Variants in TSPAN31 observed in about 807,000 individuals in gnomAD.
TSPAN31 encodes the protein tetraspanin-31.
TSPAN31 carries 16 observed loss-of-function variants against 24.8 expected under a neutral mutation model. The observed-to-expected ratio is 0.64, with a 90% CI of 0.44 to 0.98. The LOEUF (loss-of-function observed/expected upper bound fraction) is 0.98, where lower values mean the gene tolerates loss of function less well. TSPAN31 is among the 50% of genes least tolerant of loss of function. TSPAN31 has a pLI of 0.00. For synonymous variants in TSPAN31, 87 were observed against 91.4 expected, an observed-to-expected ratio of 0.95 and a Z score of 0.27; for missense variants, 209 against 251.6, an observed-to-expected ratio of 0.83 and a Z score of 1.15.
In TSPAN31 at chr12:57,745,043, G is replaced by C. The variant is rs940177012; in HGVS notation, c.-112G>C. 4 of 1,014,004 alleles carry C rather than the reference G, an allele frequency of 3.9e-6. No individual in the cohort carries two copies. The African/African-American group carries it at 6.4e-5, about 16-fold the overall frequency. The allele number at this position is 1,014,004 out of a possible 1,614,324, so 62.8% of individuals were successfully genotyped here. A position where few individuals can be genotyped will look rare whatever the true frequency, so the allele number is the denominator to read the frequency against. ...GGGACGGTGCAGGCGCAGAGTATTG[G>C]GTTTGGCTGGCCTCGATTTAAAGAG... On this transcript the variant is annotated 5_prime_UTR_variant, in exon 1 of 6. Coordinates refer to ENST00000257910, the MANE Select transcript of TSPAN31 (RefSeq NM_005981.5).
Position 57,749,584 on chromosome 12 carries a change from T to C in TSPAN31, c.*2294T>C. On this transcript the variant is annotated 3_prime_UTR_variant, in exon 6 of 6. Coordinates refer to ENST00000257910, the MANE Select transcript of TSPAN31 (RefSeq NM_005981.5). ...ATGGTTACTGCTTAGTGGCTCAAAA[T>C]AGGAAGTATAGGGAATAAAGGCCAA... is the stretch of plus-strand genomic sequence containing the variant. 7.4e-7 allele frequency: 1 copy of C among 1,347,870 alleles called. No homozygotes were observed. Among genetic ancestry groups the C allele is most frequent in the African/African-American group, 1.4e-5 (1 of 69,062 alleles). The allele number at this position is 1,347,870 out of a possible 1,614,324, so 83.5% of individuals were successfully genotyped here. A position where few individuals can be genotyped will look rare whatever the true frequency, so the allele number is the denominator to read the frequency against.
rs1955148069 is a variant in TSPAN31 at position 57,746,217 on chromosome 12, A to G, written c.273A>G (p.Val91=). ...ILGLVFIFQF[V]ISCSCLAINR... is the part of the protein sequence containing the mutation. ...GTTTGGTCTTCATCTTCCAATTTGTAATCTCTTGCTCATGTCTGGCTATTA... is the reference window on the plus strand; with the variant it reads ...GTTTGGTCTTCATCTTCCAATTTGTGATCTCTTGCTCATGTCTGGCTATTA... Residue 91 remains valine, a synonymous_variant, in exon 3 of 6, where the codon GTA becomes GTG. Coordinates refer to ENST00000257910, the MANE Select transcript of TSPAN31 (RefSeq NM_005981.5). 2 of 1,614,124 alleles carry G rather than the reference A, an allele frequency of 1.2e-6. No individual in the cohort carries two copies. Among genetic ancestry groups the G allele is most frequent in the East Asian group, 4.5e-5 (2 of 44,888 alleles).
At position 57,748,706 on chromosome 12, in the gene TSPAN31, T is replaced by TTA; in HGVS notation, c.*1417_*1418insAT. ...TACCTGGGATGAGCTTTCTTCTTTT[T>TTA]TCTTTTTTTTTTTTTTTGAGACGGA... On this transcript the variant is annotated 3_prime_UTR_variant, in exon 6 of 6. Coordinates refer to ENST00000257910, the MANE Select transcript of TSPAN31 (RefSeq NM_005981.5). 2.2e-6 allele frequency: 2 copies of TTA among 899,558 alleles called. No homozygotes were observed. The highest frequency in any genetic ancestry group is 3.6e-6 in the Non-Finnish European group (2 of 560,810). The allele number at this position is 899,558 out of a possible 1,614,324, so 55.7% of individuals were successfully genotyped here. A position where few individuals can be genotyped will look rare whatever the true frequency, so the allele number is the denominator to read the frequency against.
At position 57,747,382 on chromosome 12, in the gene TSPAN31, G is replaced by T; in HGVS notation, c.*92G>T. 1 of 1,201,716 alleles carries T rather than the reference G, an allele frequency of 8.3e-7. No individual in the cohort carries two copies. Among genetic ancestry groups the T allele is most frequent in the South Asian group, 1.4e-5 (1 of 72,116 alleles). 74.4% of individuals were successfully genotyped at this position (1,201,716 alleles called of 1,614,324 possible). On this transcript the variant is annotated 3_prime_UTR_variant, in exon 6 of 6. Coordinates refer to ENST00000257910, the MANE Select transcript of TSPAN31 (RefSeq NM_005981.5). ...CTAGGGTCTGTAACCGTTTTGGTTT[G>T]AGAAAAAGGAAAGGCCCCTTGTCAC...
intron 2 of TSPAN31, 44 bp downstream of exon 2, chr12:57,745,956 G>A (rs1260647373): frequency 6.4e-7 from 1 of 1,557,786 alleles, no homozygotes; most frequent in South Asian, 1.2e-5. Context: ...GGCTTGGGAG[G>A]GCTGTCATCT....
rs563033937 is a variant in TSPAN31, at chr12:57,749,108, A to G, written c.*1818A>G. ...CCAAGTTTCATTAACCACAGTGGCC[A>G]GGGCCCTGCATACTGCTCTATTTCT... On this transcript the variant is annotated 3_prime_UTR_variant, in exon 6 of 6. Coordinates refer to ENST00000257910, the MANE Select transcript of TSPAN31 (RefSeq NM_005981.5). 4.2e-5 allele frequency: 63 copies of G among 1,485,852 alleles called. No homozygotes were observed. The South Asian group carries it at 6.7e-4, about 16-fold the overall frequency. 92.0% of individuals were successfully genotyped at this position (1,485,852 alleles called of 1,614,324 possible).
In TSPAN31 at chr12:57,746,494, T is replaced by C. The variant is rs1955153400; in HGVS notation, c.313-95T>C. On this transcript the variant is annotated intron_variant, in intron 3 of 5. Coordinates refer to ENST00000257910, the MANE Select transcript of TSPAN31 (RefSeq NM_005981.5). The stretch of plus-strand genomic sequence containing the variant: ...TAATTGTTGCACACCGTTATGCTTC[T>C]GTTTGACTTCCTTTGCTGGGCTAGG... 4.1e-6 allele frequency: 6 copies of C among 1,476,484 alleles called. No homozygotes were observed. In the Admixed American group the frequency reaches 1.0e-4, roughly 25 times the overall value. The allele number at this position is 1,476,484 out of a possible 1,614,324, so 91.5% of individuals were successfully genotyped here. A position where few individuals can be genotyped will look rare whatever the true frequency, so the allele number is the denominator to read the frequency against.
rs146863045 is a variant in TSPAN31 at position 57,747,747 on chromosome 12, C to CTT, written c.*469_*470dup. 13 of 151,408 alleles carry CTT rather than the reference C, an allele frequency of 8.6e-5. 1 individual carries two copies. Among genetic ancestry groups the CTT allele is most frequent in the South Asian group, 2.1e-4 (1 of 4,846 alleles). 9.4% of individuals were successfully genotyped at this position (151,408 alleles called of 1,614,324 possible). On this transcript the variant is annotated 3_prime_UTR_variant, in exon 6 of 6. Transcript: ENST00000257910. ...TAAAAGCCATTTAAAAATCTATATT[C>CTT]TTTTTTTTTTTTTGACACAGAGTCT...
Position 57,747,309 on chromosome 12 carries a change from C to A in TSPAN31, c.*19C>A. The stretch of plus-strand genomic sequence containing the variant: ...TCTATGAGACTTTGGATCCTTCTGA[C>A]TTTTCTTCTGCTCTCTCTAAGCTTT... On this transcript the variant is annotated 3_prime_UTR_variant, in exon 6 of 6. Transcript: ENST00000257910. 6.2e-7 allele frequency: 1 copy of A among 1,610,032 alleles called. No individual in the cohort carries two copies.
In TSPAN31 at chr12:57,748,429, C is replaced by A. The variant is rs951446771; in HGVS notation, c.*1139C>A. ...TCTCTGTAGAAAGATGGAGGAGGAC[C>A]CTCCATAGCCTCAGAGATAAAGGCA... On this transcript the variant is annotated 3_prime_UTR_variant, in exon 6 of 6. Transcript: ENST00000257910. 2.0e-5 allele frequency: 18 copies of A among 883,660 alleles called. No individual in the cohort carries two copies. The Admixed American group carries it at 2.2e-4, about 11-fold the overall frequency. 54.7% of individuals were successfully genotyped at this position (883,660 alleles called of 1,614,324 possible). A position where few individuals can be genotyped will look rare whatever the true frequency, so the allele number is the denominator to read the frequency against.
chr12:57,745,079 T>C lies in TSPAN31; in HGVS notation c.-76T>C. Reference sequence around the variant, plus strand: ...CCTCGATTTAAAGAGACAGAAGCTGTCGGGGTCCTGGAAGACGGTCCCCAA... The same window carrying C: ...CCTCGATTTAAAGAGACAGAAGCTGCCGGGGTCCTGGAAGACGGTCCCCAA... On this transcript the variant is annotated 5_prime_UTR_variant, in exon 1 of 6. Transcript: ENST00000257910. 4 of 1,383,778 alleles carry C rather than the reference T, an allele frequency of 2.9e-6. No homozygotes were observed. Among genetic ancestry groups the C allele is most frequent in the Non-Finnish European group, 4.0e-6 (4 of 994,330 alleles). The allele number at this position is 1,383,778 out of a possible 1,614,324, so 85.7% of individuals were successfully genotyped here. A position where few individuals can be genotyped will look rare whatever the true frequency, so the allele number is the denominator to read the frequency against.
At chr12:57,746,457 T>G in intron 3 of TSPAN31, 132 bp from the exon 4 acceptor site, 2 of 1,260,604 alleles carry the variant, frequency 1.6e-6, no homozygotes, top group South Asian at 2.4e-5. Context: ...AGGTAGATAT[T>G]TATCGTGTCT....
Position 57,745,829 on chromosome 12 carries a change from A to T in TSPAN31, c.148A>T (p.Ile50Phe). The change falls in exon 2 of 6, where the codon ATT becomes TTT. Residue 50 changes from isoleucine to phenylalanine, a missense_variant. Physicochemically the swap from Ile to Phe is conservative, Grantham distance 21 (BLOSUM62 0). Coordinates refer to ENST00000257910, the MANE Select transcript of TSPAN31 (RefSeq NM_005981.5). ...VSSIHIIGGV[I>F]AVGVFLLLIA... ...CAGCATCCACATCATCGGCGGAGTC[A>T]TTGCTGTGGGAGTCTTCCTTCTCCT... The T allele has an allele frequency of 6.2e-7, 1 of 1,614,042 alleles. No individual in the cohort carries two copies. The highest frequency in any genetic ancestry group is 8.5e-7 in the Non-Finnish European group (1 of 1,180,004).
In TSPAN31 at chr12:57,749,085, A is replaced by C; in HGVS notation, c.*1795A>C. Reference sequence around the variant, plus strand: ...AAAAACTACAGCCCATCTACCAACCAAGTTTCATTAACCACAGTGGCCAGG... The same window carrying C: ...AAAAACTACAGCCCATCTACCAACCCAGTTTCATTAACCACAGTGGCCAGG... On this transcript the variant is annotated 3_prime_UTR_variant, in exon 6 of 6. Coordinates refer to ENST00000257910, the MANE Select transcript of TSPAN31 (RefSeq NM_005981.5). 6.8e-7 allele frequency: 1 copy of C among 1,477,622 alleles called. No homozygotes were observed. Among genetic ancestry groups the C allele is most frequent in the African/African-American group, 1.4e-5 (1 of 72,334 alleles). 91.5% of individuals were successfully genotyped at this position (1,477,622 alleles called of 1,614,324 possible).
In TSPAN31 at chr12:57,745,189, C is replaced by T. The variant is rs1230296837; in HGVS notation, c.35C>T (p.Ala12Val). 6.2e-6 allele frequency: 10 copies of T among 1,607,314 alleles called. No homozygotes were observed. The highest frequency in any genetic ancestry group is 2.2e-5 in the East Asian group (1 of 44,674). The stretch of plus-strand genomic sequence containing the variant: ...GGCGGCTTTGCCTGCTCCAAGAATG[C>T]GCTTTGCGCTCTCAACGTGGTCTAC... Reference protein sequence around the residue: ...VCGGFACSKNALCALNVVYML... With the variant: ...VCGGFACSKNVLCALNVVYML... Residue 12 changes from alanine (A) to valine (V), a missense_variant, in exon 1 of 6, where the codon GCG becomes GTG. By Grantham distance (64) the Ala-to-Val change is moderately conservative. Coordinates refer to ENST00000257910, the MANE Select transcript of TSPAN31 (RefSeq NM_005981.5).
Position 57,750,196 on chromosome 12 carries a change from TAAAA to T in TSPAN31, c.*2909_*2912del, listed in dbSNP as rs2069503. On this transcript the variant is annotated 3_prime_UTR_variant, in exon 6 of 6. Coordinates refer to ENST00000257910, the MANE Select transcript of TSPAN31 (RefSeq NM_005981.5). Reference sequence around the variant, plus strand: ...ATAAATAAATAAATAAATAAATAAATAAAAAATAAAGAGAATAAAGGGATATGAA... The same window carrying T: ...ATAAATAAATAAATAAATAAATAAATAATAAAGAGAATAAAGGGATATGAA... 4,049 of 118,774 alleles carry T rather than the reference TAAAA, an allele frequency of 0.034. 66 individuals are homozygous for T. Among genetic ancestry groups the T allele is most frequent in the Middle Eastern group, 0.076 (19 of 250 alleles). The allele number at this position is 118,774 out of a possible 1,614,324, so 7.4% of individuals were successfully genotyped here.
At chr12:57,746,116 A>C in intron 2 of TSPAN31, 60 bp from the exon 3 acceptor site, 1 of 1,507,014 alleles carries the variant, frequency 6.6e-7, no homozygotes, top group Non-Finnish European at 9.2e-7. Context: ...GAGACCAGAC[A>C]GTTATTATAG....
intron 2 of TSPAN31, 51 bp from the exon 3 acceptor site, chr12:57,746,125 A>C: frequency 6.5e-7 from 1 of 1,532,036 alleles, no homozygotes; most frequent in Non-Finnish European, 9.0e-7. Flanking sequence ...CAGTTATTAT[A>C]GATGAAACAT....
In TSPAN31 at chr12:57,745,736, T is replaced by A; in HGVS notation, c.64-9T>A. ...AATTGTTGAGATGTATCCTGCTCTT[T>A]CTTCGTAGCTGGTGAGCTTGTTGCT... On this transcript the variant is annotated splice_polypyrimidine_tract_variant and intron_variant, in intron 1 of 5. Coordinates refer to ENST00000257910, the MANE Select transcript of TSPAN31 (RefSeq NM_005981.5). The A allele has an allele frequency of 6.2e-7, 1 of 1,614,026 alleles. No homozygotes were observed. The highest frequency in any genetic ancestry group is 8.5e-7 in the Non-Finnish European group (1 of 1,179,990).
Sources: gnomAD v4.1 joint callset for allele counts on GRCh38, gnomAD v4.1.1 for gene constraint, MANE v1.5 for transcripts, NCBI Gene and HGNC (gene_info 2026-07-23, HGNC 2026-07-21) for gene names.